Variants in GLCCI1 observed in about 807,000 individuals in gnomAD.
The protein encoded by GLCCI1 is glucocorticoid-induced transcript 1 protein.
Under a neutral mutation model 52.2 loss-of-function variants are expected in GLCCI1, and 24 were observed. The ratio of observed to expected loss-of-function variants is 0.46; its 90% CI spans 0.33 to 0.65. The LOEUF (loss-of-function observed/expected upper bound fraction) is 0.65, where lower values mean the gene tolerates loss of function less well. GLCCI1 is among the 30% of genes least tolerant of loss of function. The pLI is 0.02. For missense variants in GLCCI1, 704 were observed against 701.5 expected, an observed-to-expected ratio of 1.00 and a Z score of -0.04; for synonymous variants, 310 against 276.5, an observed-to-expected ratio of 1.12 and a Z score of -1.20.
At chr7:8,023,892 C>G (rs138924920) in intron 3 of GLCCI1, among the ~76,000 whole-genome samples, 1 of 152,058 alleles carries the variant, frequency 6.6e-6, no homozygotes, top group Admixed American at 6.5e-5. Flanking sequence ...AACCACCACA[C>G]CAGGCCATGA....
intron 2 of GLCCI1, among the ~76,000 whole-genome samples, chr7:8,017,939 TA>T (rs1781411329): frequency 6.6e-6 from 1 of 152,202 alleles, no homozygotes; most frequent in African/African-American, 2.4e-5. Flanking sequence ...TAAAAGAAGT[TA>T]AAAATTGTTT....
intron 5 of GLCCI1, among the ~76,000 whole-genome samples, chr7:8,068,862 A>G (rs753264829): frequency 3.9e-5 from 6 of 152,126 alleles, no homozygotes; most frequent in African/African-American, 7.2e-5. Context: ...TTTGTAGCTG[A>G]CTTATTGTCC....
intron 3 of GLCCI1, among the ~76,000 whole-genome samples, chr7:8,037,884 T>G (rs1359092634): frequency 6.6e-6 from 1 of 152,156 alleles, no homozygotes; most frequent in African/African-American, 2.4e-5. Context: ...CCACCCAGAT[T>G]CATAAAGCAG....
chr7:8,084,864 T>C, intron 6 of GLCCI1, 33 bp from the exon 7 acceptor site: 1 of 1,603,220 alleles, frequency 6.2e-7, no homozygotes, highest in Non-Finnish European at 8.5e-7. Context: ...GAGCTTTCAA[T>C]CACTAGTTAA....
At chr7:8,003,546 C>T (rs1781087181) in intron 1 of GLCCI1, among the ~76,000 whole-genome samples, 1 of 152,052 alleles carries the variant, frequency 6.6e-6, no homozygotes, top group Non-Finnish European at 1.5e-5. Flanking sequence ...TTGGGTATGA[C>T]ACTGTAAAAT....
chr7:7,979,451 T>C (rs1780561858), intron 1 of GLCCI1, among the ~76,000 whole-genome samples: 2 of 149,762 alleles, frequency 1.3e-5, no homozygotes, highest in African/African-American at 4.8e-5. Flanking sequence ...AGCTTGAGCT[T>C]TTTCTGGTGT....
At chr7:8,000,583 G>A (rs1458610793) in intron 1 of GLCCI1, among the ~76,000 whole-genome samples, 3 of 151,792 alleles carry the variant, frequency 2.0e-5, no homozygotes, top group Admixed American at 6.6e-5. Flanking sequence ...TTTTCAAAAA[G>A]TATAAAAACA....
chr7:8,081,110 C>G (rs2127968610), intron 6 of GLCCI1, among the ~76,000 whole-genome samples: 1 of 152,264 alleles, frequency 6.6e-6, no homozygotes, highest in African/African-American at 2.4e-5. Context: ...CAGGTGGCCT[C>G]ACTCCAAATC....
chr7:8,021,027 C>G (rs1781474307), intron 2 of GLCCI1, among the ~76,000 whole-genome samples: 1 of 152,168 alleles, frequency 6.6e-6, no homozygotes, highest in Non-Finnish European at 1.5e-5. Context: ...GTATTTTACT[C>G]TGTCAATTGA....
At chr7:8,042,020 C>G (rs1782011771) in intron 3 of GLCCI1, among the ~76,000 whole-genome samples, 1 of 152,160 alleles carries the variant, frequency 6.6e-6, no homozygotes, top group African/African-American at 2.4e-5. Context: ...TATAGCACAT[C>G]TATTTACAAC....
At chr7:7,988,637 G>A (rs1191621904) in intron 1 of GLCCI1, among the ~76,000 whole-genome samples, 1 of 152,096 alleles carries the variant, frequency 6.6e-6, no homozygotes, top group Non-Finnish European at 1.5e-5. Flanking sequence ...GGAGAGTAAG[G>A]TAGGTGATTA....
intron 3 of GLCCI1, among the ~76,000 whole-genome samples, chr7:8,034,051 A>C (rs1583987883): frequency 6.6e-6 from 1 of 152,174 alleles, no homozygotes; most frequent in Non-Finnish European, 1.5e-5. Flanking sequence ...GGCACACATA[A>C]AGATTTATAG....
intron 1 of GLCCI1, among the ~76,000 whole-genome samples, chr7:7,976,191 C>G (rs1583938251): frequency 6.6e-6 from 1 of 152,144 alleles, no homozygotes; most frequent in East Asian, 1.9e-4. Flanking sequence ...TTTAAAGAAG[C>G]TAGTGGGCTG....
chr7:8,061,657 CTTTTTTT>C (rs61377819), intron 5 of GLCCI1, among the ~76,000 whole-genome samples: 364 of 78,348 alleles, frequency 4.6e-3, no homozygotes, highest in African/African-American at 0.016. Flanking sequence ...CCATTGAACT[CTTTTTTT>C]TTTTTTTTTT....
chr7:7,985,636 C>T (rs1017178414), intron 1 of GLCCI1, among the ~76,000 whole-genome samples: 2 of 152,128 alleles, frequency 1.3e-5, no homozygotes, highest in Non-Finnish European at 2.9e-5. Context: ...ATATTTCCTT[C>T]TCGGAAGCAT....
Position 7,969,561 on chromosome 7 carries a change from C to A in GLCCI1, c.211C>A (p.Gln71Lys), listed in dbSNP as rs1361048307. 2 of 1,006,154 alleles carry A rather than the reference C, an allele frequency of 2.0e-6. No homozygotes were observed. The highest frequency in any genetic ancestry group is 1.2e-6 in the Non-Finnish European group (1 of 844,416). 62.3% of individuals were successfully genotyped at this position (1,006,154 alleles called of 1,614,324 possible). Residue 71 changes from glutamine (Q) to lysine (K), a missense_variant, in exon 1 of 8, where the codon CAG (glutamine) becomes AAG (lysine). Gln to Lys is a moderately conservative substitution (Grantham distance 53, BLOSUM62 1). Transcript: ENST00000223145. The surrounding 1 kb of genome is among the most constrained non-coding windows in gnomAD (Gnocchi z 4.9). The stretch of plus-strand genomic sequence containing the variant: ...GCCCATCCGCGCCACGGTGCCCTAC[C>A]AGCTCTTGCGGGGCAGCCAGCACAG... ...LQPIRATVPY[Q>K]LLRGSQHSPT...
intron 4 of GLCCI1, among the ~76,000 whole-genome samples, chr7:8,059,380 C>T (rs1365391946): frequency 6.6e-6 from 1 of 152,152 alleles, no homozygotes; most frequent in Non-Finnish European, 1.5e-5. Context: ...CAACTGGATT[C>T]AGTGTAAGAT....
At chr7:7,987,261 A>T (rs968027607) in intron 1 of GLCCI1, among the ~76,000 whole-genome samples, 1 of 152,202 alleles carries the variant, frequency 6.6e-6, no homozygotes, top group Non-Finnish European at 1.5e-5. Flanking sequence ...TCTAATATAC[A>T]TGATTTTTGC....
intron 3 of GLCCI1, among the ~76,000 whole-genome samples, chr7:8,027,947 C>T (rs1004622500): frequency 6.6e-6 from 1 of 152,058 alleles, no homozygotes; most frequent in Non-Finnish European, 1.5e-5. Flanking sequence ...TACTGGAGCA[C>T]CCAGGTGTAT....
Sources: allele counts gnomAD v4.1 joint callset (sites outside exome capture counted in the v4.1 genomes callset), GRCh38; gene constraint gnomAD v4.1.1; non-coding constraint Gnocchi (gnomAD v3.1); transcripts MANE v1.5; gene names NCBI Gene and HGNC (gene_info 2026-07-23, HGNC 2026-07-21).